The following FOXP1 variants were observed in gnomAD, a reference collection of about 807,000 sequenced individuals.
FOXP1 encodes forkhead box protein P1.
In FOXP1, 15 loss-of-function variants were observed where a neutral mutation model predicts 98.2. The observed-to-expected ratio is 0.15, with a 90% CI of 0.10 to 0.24. FOXP1 has a LOEUF of 0.24. Ranked by LOEUF, FOXP1 falls within the 10% of genes least tolerant of loss-of-function variation. FOXP1 has a pLI of 1.00. For missense variants in FOXP1, 633 were observed against 848.5 expected (o/e 0.75, Z 3.15); for synonymous variants, 371 against 314.5 (o/e 1.18, Z -1.90).
chr3:71,357,561 G>T (rs551190235), intron 4 of FOXP1, among the ~76,000 whole-genome samples: 2 of 152,298 alleles, frequency 1.3e-5, no homozygotes, highest in South Asian at 2.1e-4. Context: ...GAATTTACCT[G>T]GGACATCAAA....
chr3:71,093,393 A>G lies in FOXP1; in HGVS notation c.282+19143T>C, dbSNP rs148050730. ...AATCAAAATAATAGCCACTGGCCACATATGGCTATTTAAATTTAAATTTAT... is the reference window on the plus strand; with the variant it reads ...AATCAAAATAATAGCCACTGGCCACGTATGGCTATTTAAATTTAAATTTAT... On this transcript the variant is annotated intron_variant, in intron 7 of 20. Transcript: ENST00000649528. Among the ~76,000 whole-genome samples the G allele has an allele frequency of 5.6e-3, 842 of 150,418 alleles. 5 individuals are homozygous for G. Among genetic ancestry groups the G allele is most frequent in the African/African-American group, 0.017 (717 of 41,032 alleles).
At chr3:71,239,713 G>A (rs2568844) in intron 5 of FOXP1, among the ~76,000 whole-genome samples, 82,335 of 152,052 alleles carry the variant, frequency 0.54, 22,877 homozygotes, top group East Asian at 0.68. Flanking sequence ...GCAGGAAAAA[G>A]AATAACGCTT....
At chr3:71,244,307 C>T (rs1037509257) in intron 5 of FOXP1, among the ~76,000 whole-genome samples, 9 of 152,106 alleles carry the variant, frequency 5.9e-5, no homozygotes, top group Non-Finnish European at 1.0e-4. Flanking sequence ...TCTCATCCCT[C>T]GGCTCCAAGC....
intron 2 of FOXP1, among the ~76,000 whole-genome samples, chr3:71,523,110 A>C (rs1358541553): frequency 6.6e-6 from 1 of 152,192 alleles, no homozygotes; most frequent in African/African-American, 2.4e-5. Context: ...GGACATAGAC[A>C]AACACATAGA....
At chr3:71,360,861 T>C (rs10511017) in intron 3 of FOXP1, 24,315 of 152,198 alleles carry the variant, frequency 0.16, 2,139 homozygotes, top group Non-Finnish European at 0.2. Flanking sequence ...ATGATTTGAA[T>C]AGTCACCTGT....
chr3:71,579,092 T>C (rs1280379041), intron 2 of FOXP1, among the ~76,000 whole-genome samples: 2 of 152,242 alleles, frequency 1.3e-5, no homozygotes, highest in Admixed American at 6.5e-5. Flanking sequence ...CTGCTTACTA[T>C]GTGACCGACA....
chr3:71,512,455 T>C (rs2042266839), intron 2 of FOXP1, among the ~76,000 whole-genome samples: 2 of 152,142 alleles, frequency 1.3e-5, no homozygotes. Context: ...CTCCACCTAT[T>C]ACCTTATTGC....
intron 2 of FOXP1, among the ~76,000 whole-genome samples, chr3:71,512,221 T>C (rs1021540242): frequency 6.6e-6 from 1 of 152,250 alleles, no homozygotes; most frequent in Admixed American, 6.5e-5. Context: ...AGTGGTGCCT[T>C]AGAGACAGGA....
chr3:70,980,780 T>C (rs1470504780), intron 14 of FOXP1, among the ~76,000 whole-genome samples: 1 of 152,166 alleles, frequency 6.6e-6, no homozygotes, highest in Non-Finnish European at 1.5e-5. Context: ...AGAAAACAGC[T>C]AATTGCTGCC....
chr3:71,554,720 A>G (rs2046006547), intron 2 of FOXP1, among the ~76,000 whole-genome samples: 4 of 152,236 alleles, frequency 2.6e-5, no homozygotes, highest in Admixed American at 2.6e-4. Context: ...ATCCAACGTA[A>G]GTGAAATTAA....
At chr3:71,378,509 T>C (rs1453694629) in intron 3 of FOXP1, among the ~76,000 whole-genome samples, 1 of 152,144 alleles carries the variant, frequency 6.6e-6, no homozygotes, top group East Asian at 1.9e-4. Flanking sequence ...CATTGCTTTG[T>C]CCAGGGTCTC....
At chr3:71,086,583 C>T (rs568876004) in intron 7 of FOXP1, among the ~76,000 whole-genome samples, 2 of 152,256 alleles carry the variant, frequency 1.3e-5, no homozygotes, top group East Asian at 3.9e-4. Flanking sequence ...GCTCCCATCC[C>T]AGGCTAGAGA....
intron 4 of FOXP1, among the ~76,000 whole-genome samples, chr3:71,351,018 C>G (rs2077743990): frequency 6.6e-6 from 1 of 152,168 alleles, no homozygotes; most frequent in Admixed American, 6.5e-5. Context: ...TGGCACACAC[C>G]AGACCAATCA....
intron 2 of FOXP1, among the ~76,000 whole-genome samples, chr3:71,558,119 G>A (rs1035975052): frequency 2.6e-5 from 4 of 152,174 alleles, no homozygotes. Flanking sequence ...TTAAGACAGT[G>A]TATGCACAGC....
chr3:71,266,627 G>A (rs952550921), intron 5 of FOXP1, among the ~76,000 whole-genome samples: 1 of 151,918 alleles, frequency 6.6e-6, no homozygotes, highest in Non-Finnish European at 1.5e-5. Flanking sequence ...CAGGTTTGTT[G>A]CATAGATTTA....
intron 7 of FOXP1, among the ~76,000 whole-genome samples, chr3:71,056,928 C>T (rs952099531): frequency 1.1e-4 from 16 of 152,156 alleles, no homozygotes; most frequent in African/African-American, 3.6e-4. Context: ...TGTAGCTAGT[C>T]CCTACTAACA....
intron 5 of FOXP1, among the ~76,000 whole-genome samples, chr3:71,263,956 G>C (rs1014445762): frequency 1.3e-5 from 2 of 149,054 alleles, no homozygotes; most frequent in Non-Finnish European, 3.0e-5. Context: ...TCACTTTCCT[G>C]CCCAGGCTGG....
At chr3:70,999,898 T>C (rs578098142) in intron 13 of FOXP1, among the ~76,000 whole-genome samples, 2 of 152,308 alleles carry the variant, frequency 1.3e-5, no homozygotes, top group African/African-American at 4.8e-5. Flanking sequence ...AACAATATAA[T>C]GTACAATATT....
At chr3:71,496,412 C>T (rs559253623) in intron 2 of FOXP1, among the ~76,000 whole-genome samples, 1 of 152,286 alleles carries the variant, frequency 6.6e-6, no homozygotes, top group South Asian at 2.1e-4. Context: ...GTAGGCAAGT[C>T]AACAGCAAAG....
Sources: allele counts gnomAD v4.1 joint callset (sites outside exome capture counted in the v4.1 genomes callset), GRCh38; gene constraint gnomAD v4.1.1; transcripts MANE v1.5; gene names NCBI Gene and HGNC (gene_info 2026-07-23, HGNC 2026-07-21).